The following SYTL2 variants were observed in gnomAD, a reference collection of about 807,000 sequenced individuals.
The protein encoded by SYTL2 is synaptotagmin-like protein 2.
In SYTL2, 165 loss-of-function variants were observed where a neutral mutation model predicts 198.7. The ratio of observed to expected loss-of-function variants is 0.83; its 90% confidence interval spans 0.73 to 0.94. The LOEUF is 0.94. SYTL2 is among the 40% of genes least tolerant of loss of function. SYTL2 has a pLI of 0.00. For synonymous variants in SYTL2, 966 were observed against 917.7 expected, an observed-to-expected ratio of 1.05 and a Z score of -0.95; for missense variants, 2,835 against 2,582.8, an observed-to-expected ratio of 1.10 and a Z score of -2.12.
chr11:85,714,868 T>C (rs75320721), intron 11 of SYTL2: 2 of 222,576 alleles, frequency 9.0e-6, no homozygotes, highest in Non-Finnish European at 1.7e-5. Context: ...TATTGGTTCA[T>C]CTCCTTGAGA....
Position 85,727,724 on chromosome 11 carries a change from A to G in SYTL2, c.1634T>C (p.Ile545Thr), listed in dbSNP as rs774200755. 1.9e-6 allele frequency: 3 copies of G among 1,550,118 alleles called. No individual in the cohort carries two copies. Among genetic ancestry groups the G allele is most frequent in the Non-Finnish European group, 2.6e-6 (3 of 1,147,266 alleles). ...NKSFLQHPRGIESKEKTDSKS... is the reference protein window; with the variant it reads ...NKSFLQHPRGTESKEKTDSKS... ...TGAGTCTGTTTTTTCTTTGGACTCT[A>G]TTCCTCGGGGATGTTGGAGGAATGA... Residue 545 changes from isoleucine (I) to threonine (T), a missense_variant, in exon 8 of 20, where the codon ATA (isoleucine) becomes ACA (threonine). Ile to Thr is a moderately conservative substitution (Grantham distance 89). Coordinates refer to ENST00000359152, the MANE Select transcript of SYTL2 (RefSeq NM_206927.4).
chr11:85,718,806 C>A lies in SYTL2; in HGVS notation c.5466G>T (p.Val1822=), dbSNP rs1300272080. 2 of 1,613,470 alleles carry A rather than the reference C, an allele frequency of 1.2e-6. No individual in the cohort carries two copies. Residue 1822 remains valine (V), a synonymous_variant, in exon 10 of 20, where the codon GTG becomes GTT. Transcript: ENST00000359152. Reference sequence around the variant, plus strand: ...GATATTTACCATCTTCAGCACTACGCACTAATTCTTCTGGCTGATTATCTA... The same window carrying A: ...GATATTTACCATCTTCAGCACTACGAACTAATTCTTCTGGCTGATTATCTA... ...AKVDNQPEEL[V]RSAEDDEKPD...
intron 11 of SYTL2, among the ~76,000 whole-genome samples, chr11:85,715,451 T>C (rs2087042397): frequency 6.6e-6 from 1 of 152,064 alleles, no homozygotes; most frequent in Non-Finnish European, 1.5e-5. Context: ...ATATTGTGAA[T>C]GAAACAGATA....
At chr11:85,775,111 T>G (rs2092429468) in intron 1 of SYTL2, among the ~76,000 whole-genome samples, 1 of 152,232 alleles carries the variant, frequency 6.6e-6, no homozygotes, top group Non-Finnish European at 1.5e-5. Context: ...GTCACCCTGC[T>G]GCCCAGTGCA....
At position 85,725,492 on chromosome 11, in the gene SYTL2, C is replaced by G; in HGVS notation, c.3866G>C (p.Gly1289Ala). 1 of 1,614,060 alleles carries G rather than the reference C, an allele frequency of 6.2e-7. No homozygotes were observed. Residue 1289 changes from glycine (G) to alanine (A), a missense_variant, in exon 8 of 20, where the codon GGT becomes GCT. Physicochemically the swap from Gly to Ala is moderately conservative, Grantham distance 60 (BLOSUM62 0). Around this residue, in one of 3 missense-constraint regions of SYTL2, gnomAD observed 2,645 missense variants for 2,381.7 expected, o/e 1.11. Coordinates refer to ENST00000359152, the MANE Select transcript of SYTL2 (RefSeq NM_206927.4). ...NTALLKKAESGECQLSTQNLI... is the reference protein window; with the variant it reads ...NTALLKKAESAECQLSTQNLI... ...ATTCTGTGTGCTTAGCTGGCACTCA[C>G]CACTTTCAGCTTTCTTGAGGAGAGC...
intron 2 of SYTL2, among the ~76,000 whole-genome samples, chr11:85,748,794 G>C (rs2091328645): frequency 6.6e-6 from 1 of 152,210 alleles, no homozygotes; most frequent in African/African-American, 2.4e-5. Flanking sequence ...AAAAGCATTA[G>C]TAATAGTAAC....
chr11:85,695,922 T>C (rs1382540406), intron 19 of SYTL2, among the ~76,000 whole-genome samples: 1 of 152,214 alleles, frequency 6.6e-6, no homozygotes, highest in Non-Finnish European at 1.5e-5. Flanking sequence ...GGCAGACTAG[T>C]GATGAAGGCT....
chr11:85,707,388 T>A (rs2085347335), intron 15 of SYTL2, 41 bp downstream of exon 15: 1 of 1,380,418 alleles, frequency 7.2e-7, no homozygotes, highest in African/African-American at 1.4e-5. Context: ...GGTAAACAGG[T>A]CACCATCTAG....
intron 1 of SYTL2, among the ~76,000 whole-genome samples, chr11:85,800,194 G>A (rs1164381779): frequency 6.6e-6 from 1 of 152,160 alleles, no homozygotes; most frequent in Non-Finnish European, 1.5e-5. Context: ...GGACTAGACT[G>A]AGACTTGACT....
At position 85,734,739 on chromosome 11, in the gene SYTL2, T is replaced by C. The variant is rs1197696815; in HGVS notation, c.590A>G (p.Glu197Gly). Reference protein sequence around the residue: ...TGLFQTSKEDELSESKEKSTV... With the variant: ...TGLFQTSKEDGLSESKEKSTV... ...TGACTTTTCTTTTGACTCTGACAAT[T>C]CATCTGAAAATTAAAACACAGTAGG... The change falls in exon 7 of 20, where the codon GAA becomes GGA. Residue 197 changes from glutamate to glycine, a missense_variant. Glu to Gly is a moderately conservative substitution (Grantham distance 98, BLOSUM62 -2). This residue lies in a region of SYTL2 where 2,645 missense variants were observed against 2,381.7 expected (regional missense o/e 1.11). Coordinates refer to ENST00000359152, the MANE Select transcript of SYTL2 (RefSeq NM_206927.4). The C allele has an allele frequency of 6.2e-7, 1 of 1,608,732 alleles. No individual in the cohort carries two copies. Among genetic ancestry groups the C allele is most frequent in the Non-Finnish European group, 8.5e-7 (1 of 1,177,648 alleles).
chr11:85,725,394 C>T lies in SYTL2; in HGVS notation c.3964G>A (p.Gly1322Arg), dbSNP rs763063950. Residue 1322 changes from glycine to arginine, a missense_variant, in exon 8 of 20, where the codon GGG becomes AGG. Gly to Arg is a moderately radical substitution (Grantham distance 125). Coordinates refer to ENST00000359152, the MANE Select transcript of SYTL2 (RefSeq NM_206927.4). ...TSQLSRKGSF[G>R]DVASPPQDML... is the part of the protein sequence containing the mutation. ...TCTTGGGGAGGGCTGGCCACATCCC[C>T]AAAAGAACCCTTTCTGGAAAGCTGG... 1.2e-6 allele frequency: 2 copies of T among 1,613,996 alleles called. No homozygotes were observed. Among genetic ancestry groups the T allele is most frequent in the South Asian group, 2.2e-5 (2 of 91,072 alleles).
chr11:85,785,459 C>G (rs533652340), intron 1 of SYTL2, among the ~76,000 whole-genome samples: 15 of 152,164 alleles, frequency 9.9e-5, no homozygotes, highest in Non-Finnish European at 1.8e-4. Flanking sequence ...AGTAAAAATC[C>G]TTGTCTAACA....
intron 9 of SYTL2, chr11:85,719,212 T>C (rs1319977682): frequency 1.6e-6 from 2 of 1,226,724 alleles, no homozygotes; most frequent in Non-Finnish European, 2.1e-6. Flanking sequence ...CCCAAACCCA[T>C]GGTCATTAAC....
chr11:85,733,996 T>C lies in SYTL2; in HGVS notation c.1333A>G (p.Lys445Glu). The change falls in exon 7 of 20, where the codon AAA becomes GAA. Residue 445 changes from lysine (K) to glutamate (E), a missense_variant. By Grantham distance (56) the Lys-to-Glu change is moderately conservative (BLOSUM62 1). Coordinates refer to ENST00000359152, the MANE Select transcript of SYTL2 (RefSeq NM_206927.4). ...MENSPTINEPKDKSSELTRLE... is the reference protein window; with the variant it reads ...MENSPTINEPEDKSSELTRLE... ...CTTGTTAATTCTGATGATTTATCTT[T>C]GGGTTCATTGATGGTTGGTGAATTC... is the stretch of plus-strand genomic sequence containing the variant. 6.2e-7 allele frequency: 1 copy of C among 1,614,182 alleles called. No individual in the cohort carries two copies. The highest frequency in any genetic ancestry group is 8.5e-7 in the Non-Finnish European group (1 of 1,179,986).
chr11:85,838,376 G>C, the SYTL2 span, among the ~76,000 whole-genome samples: 1 of 152,170 alleles, frequency 6.6e-6, no homozygotes, highest in Non-Finnish European at 1.5e-5. Flanking sequence ...TGTAGATATA[G>C]ACATAGGTGT....
Position 85,734,168 on chromosome 11 carries a change from G to A in SYTL2, c.1161C>T (p.Tyr387=), listed in dbSNP as rs375283103. ...ATTGATGAAAAAGCGAAGGCTTTCT[G>A]TATTGAGAAGGCTTAGGGTCACTCT... ...EFQSDPKPSQ[Y]RKPSLFHQST... The change falls in exon 7 of 20, where the codon TAC becomes TAT. Residue 387 remains tyrosine, a synonymous_variant. Coordinates refer to ENST00000359152, the MANE Select transcript of SYTL2 (RefSeq NM_206927.4). The A allele has an allele frequency of 4.3e-6, 7 of 1,614,152 alleles. No individual in the cohort carries two copies. In the East Asian group the frequency reaches 1.3e-4, roughly 31 times the overall value.
At chr11:85,773,652 C>T (rs1460506493) in intron 1 of SYTL2, among the ~76,000 whole-genome samples, 2 of 152,256 alleles carry the variant, frequency 1.3e-5, no homozygotes, top group Middle Eastern at 3.4e-3. Context: ...GACCTGTGCC[C>T]GCCACTCCAT....
chr11:85,799,101 C>T (rs894523535), intron 1 of SYTL2, among the ~76,000 whole-genome samples: 3 of 152,154 alleles, frequency 2.0e-5, no homozygotes, highest in Admixed American at 2.0e-4. Context: ...GCCCATTGAC[C>T]ACTAAATTCT....
At chr11:85,702,144 C>A (rs1382344682) in intron 16 of SYTL2, among the ~76,000 whole-genome samples, 2 of 151,358 alleles carry the variant, frequency 1.3e-5, no homozygotes, top group African/African-American at 2.4e-5. Context: ...AATGTATATT[C>A]TTGGGCCCGT....
Sources: gnomAD v4.1 joint callset for allele counts (sites outside exome capture counted in the v4.1 genomes callset) on GRCh38, gnomAD v4.1.1 for gene constraint, gnomAD v4.1.1 regional missense constraint, MANE v1.5 for transcripts, NCBI Gene and HGNC (gene_info 2026-07-23, HGNC 2026-07-21) for gene names.